Variants in SNTG2 observed in about 807,000 individuals in gnomAD.
SNTG2 encodes the protein gamma-2-syntrophin.
A neutral mutation model predicts 70.9 loss-of-function variants in SNTG2; 74 were observed. The observed-to-expected ratio is 1.04, with a 90% CI of 0.86 to 1.27. SNTG2 has a LOEUF of 1.27. Among genes scored for constraint, SNTG2 ranks in the 50% most tolerant of loss-of-function variants. The pLI is 0.00. For synonymous variants in SNTG2, 278 were observed against 273.8 expected (o/e 1.02, Z -0.15); for missense variants, 717 against 690.7 (o/e 1.04, Z -0.43).
intron 8 of SNTG2, among the ~76,000 whole-genome samples, chr2:1,199,860 T>G (rs748024856): frequency 6.6e-6 from 1 of 151,978 alleles, no homozygotes; most frequent in Non-Finnish European, 1.5e-5. Flanking sequence ...TGAAAGAAAT[T>G]GAAGAAAACG....
intron 4 of SNTG2, among the ~76,000 whole-genome samples, chr2:1,100,097 C>T (rs746796400): frequency 2.0e-5 from 3 of 151,532 alleles, no homozygotes; most frequent in Non-Finnish European, 2.9e-5. Context: ...ACCAAGATGG[C>T]GGGAAAAGTG....
At chr2:1,331,926 T>C (rs4603807) in intron 16 of SNTG2, among the ~76,000 whole-genome samples, 2,799 of 152,162 alleles carry the variant, frequency 0.018, 69 homozygotes, top group African/African-American at 0.062. Context: ...CTTCACGACA[T>C]AACCCAGCCT....
At chr2:981,465 A>G in intron 1 of SNTG2, among the ~76,000 whole-genome samples, 1 of 152,178 alleles carries the variant, frequency 6.6e-6, no homozygotes, top group South Asian at 2.1e-4. Context: ...GCATATGCAC[A>G]CATGCTCACA....
chr2:1,185,679 G>T (rs1278744540), intron 8 of SNTG2, among the ~76,000 whole-genome samples: 1 of 152,184 alleles, frequency 6.6e-6, no homozygotes, highest in Non-Finnish European at 1.5e-5. Context: ...GGAGTGGCTG[G>T]GAGGCAGGGA....
chr2:1,165,012 C>T (rs1478022733), intron 6 of SNTG2, among the ~76,000 whole-genome samples: 3 of 152,156 alleles, frequency 2.0e-5, no homozygotes, highest in South Asian at 2.1e-4. Flanking sequence ...TGTGTTGAAA[C>T]GTAGGGGATT....
At chr2:1,016,990 C>T (rs73908654) in intron 1 of SNTG2, among the ~76,000 whole-genome samples, 55,540 of 151,938 alleles carry the variant, frequency 0.37, 11,017 homozygotes, top group Middle Eastern at 0.53. Flanking sequence ...TTCAGTTGGC[C>T]AGGGTCTCAG....
chr2:1,173,019 GA>G lies in SNTG2; in HGVS notation c.500-71del, dbSNP rs1046505581. 4.8e-5 allele frequency: 66 copies of G among 1,368,378 alleles called. No individual in the cohort carries two copies. In the African/African-American group the frequency reaches 8.1e-4, roughly 17 times the overall value. 84.8% of individuals were successfully genotyped at this position (1,368,378 alleles called of 1,614,324 possible). A position where few individuals can be genotyped will look rare whatever the true frequency, so the allele number is the denominator to read the frequency against. ...TAACTTCCCATGCACAGGTAGAACT[GA>G]AGTCACTGCATGGTCACAGTGTGCT... On this transcript the variant is annotated intron_variant, in intron 7 of 16. Transcript: ENST00000308624.
At chr2:1,258,111 G>A (rs1376440222) in intron 12 of SNTG2, among the ~76,000 whole-genome samples, 1 of 152,158 alleles carries the variant, frequency 6.6e-6, no homozygotes, top group Non-Finnish European at 1.5e-5. Context: ...TGGCCAGGGT[G>A]GGAACGGGAG....
intron 1 of SNTG2, among the ~76,000 whole-genome samples, chr2:1,048,380 G>A (rs1661862547): frequency 6.6e-6 from 1 of 152,288 alleles, no homozygotes; most frequent in South Asian, 2.1e-4. Flanking sequence ...GTGAATTAGT[G>A]AATGACTTGT....
chr2:1,229,909 A>G (rs1222463712), intron 9 of SNTG2, among the ~76,000 whole-genome samples: 1 of 152,120 alleles, frequency 6.6e-6, no homozygotes, highest in Non-Finnish European at 1.5e-5. Context: ...CGCCAAGCCT[A>G]CGCCCACCCG....
In SNTG2 at chr2:1,367,395, T is replaced by C. The variant is rs1043047086; in HGVS notation, c.1541T>C (p.Ile514Thr). The C allele has an allele frequency of 1.0e-5, 16 of 1,551,754 alleles. No individual in the cohort carries two copies. The highest frequency in any genetic ancestry group is 5.9e-5 in the Admixed American group (3 of 51,004). The change falls in exon 17 of 17, where the codon ATA becomes ACA. Residue 514 changes from isoleucine (I) to threonine (T), a missense_variant. Physicochemically the swap from Ile to Thr is moderately conservative, Grantham distance 89. Coordinates refer to ENST00000308624, the MANE Select transcript of SNTG2 (RefSeq NM_018968.4). The stretch of plus-strand genomic sequence containing the variant: ...GTCCTGCACTGCATCCACTCCTTCA[T>C]AGCAGCCAAGGTGGCCTCCGTGGAC... ...RAVLHCIHSF[I>T]AAKVASVDPG...
At chr2:1,252,907 A>T (rs1370766181) in intron 12 of SNTG2, among the ~76,000 whole-genome samples, 1 of 152,222 alleles carries the variant, frequency 6.6e-6, no homozygotes, top group Non-Finnish European at 1.5e-5. Flanking sequence ...CTAAATATTT[A>T]TAATGTATTA....
intron 6 of SNTG2, among the ~76,000 whole-genome samples, chr2:1,145,300 T>C (rs1669025987): frequency 6.6e-6 from 1 of 151,950 alleles, no homozygotes; most frequent in Non-Finnish European, 1.5e-5. Flanking sequence ...AAAAAAAAGC[T>C]GTTTCTTTGT....
chr2:1,205,080 A>G (rs1448226355), intron 8 of SNTG2, among the ~76,000 whole-genome samples: 2 of 152,172 alleles, frequency 1.3e-5, no homozygotes, highest in East Asian at 3.9e-4. Context: ...ACCTTTTTAT[A>G]TTTCCCATCT....
At chr2:1,021,268 T>C (rs78285794) in intron 1 of SNTG2, among the ~76,000 whole-genome samples, 191 of 152,312 alleles carry the variant, frequency 1.3e-3, no homozygotes, top group African/African-American at 4.1e-3. Context: ...ATGTGATTAG[T>C]AGGAGGTTCA....
intron 1 of SNTG2, among the ~76,000 whole-genome samples, chr2:998,765 C>G (rs1214893020): frequency 6.6e-6 from 1 of 152,014 alleles, no homozygotes; most frequent in African/African-American, 2.4e-5. Flanking sequence ...ATTTAGACCT[C>G]CAGATATAAG....
chr2:1,243,530 T>G (rs1453989190), intron 11 of SNTG2, among the ~76,000 whole-genome samples: 1 of 152,220 alleles, frequency 6.6e-6, no homozygotes, highest in Non-Finnish European at 1.5e-5. Context: ...TAGCCAAGAT[T>G]CAAGAATGCA....
chr2:1,105,736 C>T (rs1406338058), intron 4 of SNTG2, among the ~76,000 whole-genome samples: 1 of 152,208 alleles, frequency 6.6e-6, no homozygotes, highest in East Asian at 1.9e-4. Context: ...TCCACGACTT[C>T]ATTGCTTACG....
At chr2:1,298,853 T>C (rs1043270754) in intron 14 of SNTG2, among the ~76,000 whole-genome samples, 1 of 152,138 alleles carries the variant, frequency 6.6e-6, no homozygotes, top group Non-Finnish European at 1.5e-5. Flanking sequence ...CCAGTGAACA[T>C]GAAGCAGGCA....
Sources: gnomAD v4.1 joint callset for allele counts (sites outside exome capture counted in the v4.1 genomes callset) on GRCh38, gnomAD v4.1.1 for gene constraint, MANE v1.5 for transcripts, NCBI Gene and HGNC (gene_info 2026-07-23, HGNC 2026-07-21) for gene names.